Variants in PRKACB observed in about 807,000 individuals in gnomAD.
PRKACB encodes the protein cAMP-dependent protein kinase catalytic subunit beta.
A neutral mutation model predicts 51.4 loss-of-function variants in PRKACB; 16 were observed. That is an observed-to-expected ratio of 0.31 (90% CI 0.21 to 0.47). PRKACB has a LOEUF of 0.47. Among genes scored for constraint, PRKACB ranks in the 20% least tolerant of loss-of-function variants. The probability of loss-of-function intolerance (pLI) is 1.00; values close to 1 mark genes in which losing one functional copy is unlikely to be tolerated. For missense variants in PRKACB, 309 were observed against 464.5 expected (o/e 0.67, Z 3.08); for synonymous variants, 147 against 154.4 (o/e 0.95, Z 0.35).
In PRKACB at chr1:84,238,481, C is replaced by G. The variant is rs936890662; in HGVS notation, c.*3176C>G. On this transcript the variant is annotated 3_prime_UTR_variant, in exon 10 of 10. Transcript: ENST00000370685. ...ATCAATAACTGCAAAATTAAAGTAC[C>G]TTCAATGGATAAGACAATTGATTGA... 1 of 152,440 alleles carries G rather than the reference C, an allele frequency of 6.6e-6. No individual in the cohort carries two copies. The highest frequency in any genetic ancestry group is 1.5e-5 in the Non-Finnish European group (1 of 67,988). The allele number at this position is 152,440 out of a possible 1,614,324, so 9.4% of individuals were successfully genotyped here.
chr1:84,083,342 G>A (rs897310542), intron 1 of PRKACB, among the ~76,000 whole-genome samples: 8 of 152,254 alleles, frequency 5.3e-5, no homozygotes, highest in Non-Finnish European at 1.0e-4. Flanking sequence ...GATTCTGTTT[G>A]TGCAGATTGT....
chr1:84,081,474 T>G (rs1647526828), intron 1 of PRKACB, among the ~76,000 whole-genome samples: 1 of 152,222 alleles, frequency 6.6e-6, no homozygotes, highest in Non-Finnish European at 1.5e-5. Flanking sequence ...CTAACTGCTC[T>G]GTGTGTGTTT....
chr1:84,184,080 G>C lies in PRKACB; in HGVS notation c.422G>C (p.Arg141Thr). 6.2e-7 allele frequency: 1 copy of C among 1,603,918 alleles called. No homozygotes were observed. Among genetic ancestry groups the C allele is most frequent in the Non-Finnish European group, 8.5e-7 (1 of 1,174,814 alleles). ...ATAGAGCATACTTTGAATGAGAAAA[G>C]AATATTACAGGCAGTGAATTTTCCT... Reference protein sequence around the residue: ...KQIEHTLNEKRILQAVNFPFL... With the variant: ...KQIEHTLNEKTILQAVNFPFL... Residue 141 changes from arginine to threonine, a missense_variant, in exon 4 of 10, where the codon AGA becomes ACA. By Grantham distance (71) the Arg-to-Thr change is moderately conservative (BLOSUM62 -1). Transcript: ENST00000370685.
At chr1:84,109,320 G>A (rs186031013) in intron 1 of PRKACB, among the ~76,000 whole-genome samples, 24 of 152,008 alleles carry the variant, frequency 1.6e-4, no homozygotes, top group Non-Finnish European at 1.0e-4. Flanking sequence ...TAAAATGGTT[G>A]TATGAATTTG....
chr1:84,131,583 C>T (rs909642976), intron 1 of PRKACB, among the ~76,000 whole-genome samples: 3 of 152,090 alleles, frequency 2.0e-5, no homozygotes, highest in African/African-American at 7.2e-5. Context: ...CAAGATAAAG[C>T]TAAAAAATTG....
intron 1 of PRKACB, among the ~76,000 whole-genome samples, chr1:84,117,756 C>T (rs1459731210): frequency 6.6e-6 from 1 of 152,030 alleles, no homozygotes; most frequent in Non-Finnish European, 1.5e-5. Context: ...TTTTGTTGAT[C>T]GTTTATGTTG....
At chr1:84,168,374 T>G (rs1368622756) in intron 1 of PRKACB, among the ~76,000 whole-genome samples, 1 of 151,586 alleles carries the variant, frequency 6.6e-6, no homozygotes. Context: ...GCTTCAAAGT[T>G]TATGTGCTCT....
chr1:84,180,191 T>TATATATATATATATATATATATATAG (rs1662861600), intron 2 of PRKACB, among the ~76,000 whole-genome samples: 1 of 106,070 alleles, frequency 9.4e-6, no homozygotes, highest in Non-Finnish European at 2.1e-5. Flanking sequence ...GTGATATATA[T>TATATATATATATATATATATATATAG]ATATATATAT....
chr1:84,190,654 G>GC (rs1278357550), intron 5 of PRKACB, among the ~76,000 whole-genome samples: 1 of 151,950 alleles, frequency 6.6e-6, no homozygotes, highest in Non-Finnish European at 1.5e-5. Flanking sequence ...TTTATCAGAG[G>GC]CAAATATAAA....
intron 1 of PRKACB, among the ~76,000 whole-genome samples, chr1:84,120,047 T>G (rs1343064694): frequency 1.3e-5 from 2 of 152,102 alleles, no homozygotes; most frequent in African/African-American, 4.8e-5. Context: ...CAAACAGAAG[T>G]AACTTTCCTT....
Position 84,207,607 on chromosome 1 carries a change from C to T in PRKACB, c.906+4802C>T, listed in dbSNP as rs76144233. Among the ~76,000 whole-genome samples the T allele has an allele frequency of 2.4e-3, 358 of 152,264 alleles. 1 individual carries two copies. Among genetic ancestry groups the T allele is most frequent in the African/African-American group, 8.3e-3 (347 of 41,560 alleles). On this transcript the variant is annotated intron_variant, in intron 8 of 9. Coordinates refer to ENST00000370685, the MANE Select transcript of PRKACB (RefSeq NM_182948.4). ...AATAATTTGTTAAAATTTATCTCAA[C>T]ATGCTCGTAGCCAGTAGTTAGTAGA...
chr1:84,127,284 T>A (rs1440065389), intron 1 of PRKACB, among the ~76,000 whole-genome samples: 2 of 152,166 alleles, frequency 1.3e-5, no homozygotes, highest in African/African-American at 2.4e-5. Flanking sequence ...AATCTTAAAA[T>A]AGCTGTATGT....
chr1:84,173,204 T>C, intron 1 of PRKACB: 1 of 586,242 alleles, frequency 1.7e-6, no homozygotes, highest in South Asian at 3.7e-5. Flanking sequence ...TTGGTATGTA[T>C]GTTCAATTGT....
At chr1:84,143,393 G>A (rs1653634372), upstream of PRKACB, among the ~76,000 whole-genome samples, 1 of 152,152 alleles carries the variant, frequency 6.6e-6, no homozygotes, top group Non-Finnish European at 1.5e-5. Flanking sequence ...GGAGGTCGCA[G>A]TGAGCAGAGG....
At chr1:84,165,085 A>ATTTTATTTTATTTTATTTTATTTT in intron 1 of PRKACB, 1 of 1,226,800 alleles carries the variant, frequency 8.2e-7, no homozygotes, top group Non-Finnish European at 1.1e-6. Flanking sequence ...AAATATTTTT[A>ATTTTATTTTATTTTATTTTATTTT]AAGGGACAGT....
intron 9 of PRKACB, among the ~76,000 whole-genome samples, chr1:84,218,375 A>G (rs1572508953): frequency 6.6e-6 from 1 of 152,214 alleles, no homozygotes; most frequent in East Asian, 1.9e-4. Context: ...TAAGAGATCA[A>G]CTTTTTTAGG....
intron 9 of PRKACB, among the ~76,000 whole-genome samples, chr1:84,218,789 C>A (rs939535196): frequency 1.3e-5 from 2 of 152,170 alleles, no homozygotes; most frequent in Non-Finnish European, 2.9e-5. Context: ...TTCTCCACAT[C>A]CCCTCCAGCA....
At chr1:84,105,466 A>G (rs1230080908) in intron 1 of PRKACB, among the ~76,000 whole-genome samples, 1 of 152,146 alleles carries the variant, frequency 6.6e-6, no homozygotes, top group African/African-American at 2.4e-5. Context: ...TCCATTCATC[A>G]TTACCTACAT....
chr1:84,214,674 T>C (rs1381548242), intron 9 of PRKACB, among the ~76,000 whole-genome samples: 2 of 151,988 alleles, frequency 1.3e-5, no homozygotes, highest in Non-Finnish European at 1.5e-5. Flanking sequence ...TTTGTATTTT[T>C]AGTAGAGACA....
Sources: allele counts gnomAD v4.1 joint callset (sites outside exome capture counted in the v4.1 genomes callset), GRCh38; gene constraint gnomAD v4.1.1; transcripts MANE v1.5; gene names NCBI Gene and HGNC (gene_info 2026-07-23, HGNC 2026-07-21).